Variants in OSBPL6 observed in about 807,000 individuals in gnomAD.
OSBPL6 encodes the protein oxysterol-binding protein-related protein 6.
A neutral mutation model predicts 125.8 loss-of-function variants in OSBPL6; 49 were observed. The ratio of observed to expected loss-of-function variants is 0.39; its 90% confidence interval spans 0.31 to 0.49. The LOEUF (loss-of-function observed/expected upper bound fraction) is 0.49. Among genes scored for constraint, OSBPL6 ranks in the 20% least tolerant of loss-of-function variants. OSBPL6 has a pLI of 0.88. For synonymous variants in OSBPL6, 394 were observed against 391.8 expected, an observed-to-expected ratio of 1.01 and a Z score of -0.07; for missense variants, 986 against 1,135.4, an observed-to-expected ratio of 0.87 and a Z score of 1.89.
At chr2:178,234,385 G>A (rs183641311) in intron 1 of OSBPL6, among the ~76,000 whole-genome samples, 2 of 152,148 alleles carry the variant, frequency 1.3e-5, no homozygotes, top group African/African-American at 4.8e-5. Context: ...ATAACCTACC[G>A]GCTTGTTACC....
chr2:178,379,342 G>A (rs1397200642), intron 15 of OSBPL6, among the ~76,000 whole-genome samples: 1 of 139,580 alleles, frequency 7.2e-6, no homozygotes, highest in African/African-American at 2.7e-5. Flanking sequence ...AAGGGAGGGA[G>A]GGAGGGAGGG....
chr2:178,247,577 A>G (rs2091539982), intron 1 of OSBPL6, among the ~76,000 whole-genome samples: 1 of 151,782 alleles, frequency 6.6e-6, no homozygotes. Context: ...CAGTGTTTTC[A>G]ATTTCTCCTT....
In OSBPL6 at chr2:178,332,882, G is replaced by A. The variant is rs1377347301; in HGVS notation, c.498G>A (p.Gln166=). ...GTTCATTGTTTTAGGTGAAATCCCA[G>A]GACTGGTTTGATGCATGGGTCTCCA... The part of the protein sequence containing the change: ...EHIYHLKVKS[Q]DWFDAWVSKL... The change falls in exon 8 of 25, where the codon CAG becomes CAA. Residue 166 remains glutamine (Q), a synonymous_variant. Coordinates refer to ENST00000190611, the MANE Select transcript of OSBPL6 (RefSeq NM_032523.4). 1 of 1,612,162 alleles carries A rather than the reference G, an allele frequency of 6.2e-7. No homozygotes were observed. The highest frequency in any genetic ancestry group is 8.5e-7 in the Non-Finnish European group (1 of 1,178,430).
chr2:178,213,983 C>T (rs1422634694), intron 1 of OSBPL6, among the ~76,000 whole-genome samples: 2 of 152,148 alleles, frequency 1.3e-5, no homozygotes, highest in Non-Finnish European at 2.9e-5. Flanking sequence ...CCAACAGCAT[C>T]CTGTATTTCC....
At chr2:178,394,542 TC>T in intron 24 of OSBPL6, 107 bp downstream of exon 24, 2 of 1,369,922 alleles carry the variant, frequency 1.5e-6, no homozygotes, top group Non-Finnish European at 2.0e-6. Context: ...GATTTTGGTA[TC>T]TTTGCTTTTG....
chr2:178,320,725 G>A (rs1247662014), intron 3 of OSBPL6, among the ~76,000 whole-genome samples: 24 of 152,202 alleles, frequency 1.6e-4, no homozygotes, highest in Admixed American at 1.6e-3. Context: ...AATTAAATTT[G>A]ATGTGTTCCC....
chr2:178,357,156 A>G (rs1691871681), intron 12 of OSBPL6, among the ~76,000 whole-genome samples: 1 of 152,246 alleles, frequency 6.6e-6, no homozygotes, highest in South Asian at 2.1e-4. Context: ...CCTTAGCAAT[A>G]CTATTCAGGA....
In OSBPL6 at chr2:178,243,925, A is replaced by G. The variant is rs371346642; in HGVS notation, c.-350-41002A>G. 6.8e-4 allele frequency among the ~76,000 whole-genome samples: 103 copies of G among 152,354 alleles called. 1 individual carries two copies. Among genetic ancestry groups the G allele is most frequent in the African/African-American group, 2.4e-3 (100 of 41,596 alleles). On this transcript the variant is annotated intron_variant, in intron 1 of 24. Transcript: ENST00000190611. ...CTCAGCCTCCCAAAGTGTTGGGATT[A>G]CAGGCGTGAGCCAACACGCCTGGCC...
intron 1 of OSBPL6, among the ~76,000 whole-genome samples, chr2:178,215,383 T>C (rs2090050979): frequency 6.6e-6 from 1 of 152,218 alleles, no homozygotes; most frequent in Non-Finnish European, 1.5e-5. Context: ...CAACTGTGTC[T>C]TCCACAGGTG....
intron 1 of OSBPL6, among the ~76,000 whole-genome samples, chr2:178,257,298 T>A (rs535924814): frequency 6.6e-6 from 1 of 152,358 alleles, no homozygotes; most frequent in East Asian, 1.9e-4. Context: ...CTCTTGACCA[T>A]CAAGTTTGTG....
Position 178,349,380 on chromosome 2 carries a change from G to A in OSBPL6, c.1144G>A (p.Ala382Thr), listed in dbSNP as rs552307119. The A allele has an allele frequency of 3.7e-6, 6 of 1,613,918 alleles. No homozygotes were observed. The highest frequency in any genetic ancestry group is 1.7e-5 in the Admixed American group (1 of 60,010). ...TKLQEEFCLI[A>T]QKVHSLLKSA... ...GCTGCAAGAAGAATTTTGTCTAATC[G>A]CACAGAAAGGTAAGAACAAAAATAA... The change falls in exon 12 of 25, where the codon GCA (alanine) becomes ACA (threonine). Residue 382 changes from alanine to threonine, a missense_variant. By Grantham distance (58) the Ala-to-Thr change is moderately conservative (BLOSUM62 0). This residue lies in a region of OSBPL6 where 843 missense variants were observed against 997.3 expected (regional missense o/e 0.85). Transcript: ENST00000190611.
At chr2:178,198,178 C>T (rs903854599) in intron 1 of OSBPL6, among the ~76,000 whole-genome samples, 6 of 152,118 alleles carry the variant, frequency 3.9e-5, no homozygotes, top group African/African-American at 1.4e-4. Context: ...TGAGAGTTCT[C>T]AAGTTTGGAG....
chr2:178,396,981 A>G lies in OSBPL6; in HGVS notation c.*1422A>G. On this transcript the variant is annotated 3_prime_UTR_variant, in exon 25 of 25. Coordinates refer to ENST00000190611, the MANE Select transcript of OSBPL6 (RefSeq NM_032523.4). The stretch of plus-strand genomic sequence containing the variant: ...TTTTCCTAGGGAATTATAAAATTAC[A>G]TATATTTTATTGTTAGTTAGATGTT... The G allele has an allele frequency of 6.6e-6, 1 of 152,206 alleles. No individual in the cohort carries two copies. Among genetic ancestry groups the G allele is most frequent in the East Asian group, 1.9e-4 (1 of 5,202 alleles). 9.4% of individuals were successfully genotyped at this position (152,206 alleles called of 1,614,324 possible). A position where few individuals can be genotyped will look rare whatever the true frequency, so the allele number is the denominator to read the frequency against.
intron 1 of OSBPL6, among the ~76,000 whole-genome samples, chr2:178,215,108 A>G (rs909748589): frequency 6.6e-6 from 1 of 152,028 alleles, no homozygotes; most frequent in African/African-American, 2.4e-5. Context: ...TAAAAAAAAA[A>G]AAAAGAAAAA....
intron 2 of OSBPL6, among the ~76,000 whole-genome samples, chr2:178,290,365 A>T (rs540387417): frequency 1.3e-5 from 2 of 151,458 alleles, no homozygotes; most frequent in East Asian, 3.9e-4. Context: ...CTTGAGAATC[A>T]TTGTAAATTC....
At chr2:178,369,225 A>G (rs529678070) in intron 13 of OSBPL6, among the ~76,000 whole-genome samples, 1 of 152,310 alleles carries the variant, frequency 6.6e-6, no homozygotes, top group Non-Finnish European at 1.5e-5. Context: ...CAGGTGATAA[A>G]ACTCTCTCCA....
chr2:178,234,914 T>A (rs2090985294), intron 1 of OSBPL6, among the ~76,000 whole-genome samples: 1 of 152,310 alleles, frequency 6.6e-6, no homozygotes, highest in Admixed American at 6.5e-5. Flanking sequence ...TCAGAGAGAT[T>A]GGCCTTGGGT....
intron 1 of OSBPL6, among the ~76,000 whole-genome samples, chr2:178,259,463 A>G (rs1029681889): frequency 9.5e-6 from 1 of 105,238 alleles, no homozygotes; most frequent in Admixed American, 8.3e-5. Context: ...AAATTACTGT[A>G]CCCAGAGCTT....
chr2:178,248,892 C>G (rs972642256), intron 1 of OSBPL6, among the ~76,000 whole-genome samples: 1 of 151,836 alleles, frequency 6.6e-6, no homozygotes, highest in African/African-American at 2.4e-5. Flanking sequence ...TATTATTTCT[C>G]CTGTTCATGT....
Sources: gnomAD v4.1 joint callset for allele counts (sites outside exome capture counted in the v4.1 genomes callset) on GRCh38, gnomAD v4.1.1 for gene constraint, gnomAD v4.1.1 regional missense constraint, MANE v1.5 for transcripts, NCBI Gene and HGNC (gene_info 2026-07-23, HGNC 2026-07-21) for gene names.